Variants in NLGN1 observed in about 807,000 individuals in gnomAD.
NLGN1 encodes neuroligin 1, also known as neuroligin-1.
In NLGN1, 12 loss-of-function variants were observed where a neutral mutation model predicts 65.5. The ratio of observed to expected loss-of-function variants is 0.18; its 90% CI spans 0.12 to 0.30. The LOEUF is 0.30. NLGN1 is among the 10% of genes least tolerant of loss of function. The probability of loss-of-function intolerance (pLI) is 1.00; values close to 1 mark genes in which losing one functional copy is unlikely to be tolerated. For synonymous variants in NLGN1, 350 were observed against 359.5 expected (o/e 0.97, Z 0.30); for missense variants, 750 against 1,007.1 (o/e 0.74, Z 3.46).
intron 1 of NLGN1, among the ~76,000 whole-genome samples, chr3:173,432,728 A>G (rs1283694574): frequency 2.6e-5 from 4 of 152,044 alleles, no homozygotes; most frequent in Admixed American, 6.6e-5. Context: ...GTAATCAATT[A>G]CAGCTTATCA....
chr3:173,837,772 G>A (rs1046448689), intron 4 of NLGN1, among the ~76,000 whole-genome samples: 1 of 152,154 alleles, frequency 6.6e-6, no homozygotes, highest in African/African-American at 2.4e-5. Context: ...GGCAAAGCAT[G>A]AGAATATAAA....
chr3:173,585,484 C>T (rs1465549480), intron 2 of NLGN1, among the ~76,000 whole-genome samples: 1 of 152,024 alleles, frequency 6.6e-6, no homozygotes, highest in East Asian at 1.9e-4. Flanking sequence ...TCCTCCCCCA[C>T]CCCTCTCTTC....
At chr3:174,151,455 G>A (rs1724333089) in intron 4 of NLGN1, among the ~76,000 whole-genome samples, 1 of 152,032 alleles carries the variant, frequency 6.6e-6, no homozygotes, top group Non-Finnish European at 1.5e-5. Flanking sequence ...AATTTCTTCT[G>A]ACATCTTTGC....
At chr3:174,030,321 T>G (rs752438207) in intron 4 of NLGN1, among the ~76,000 whole-genome samples, 2 of 152,076 alleles carry the variant, frequency 1.3e-5, no homozygotes, top group Admixed American at 6.6e-5. Context: ...AGATGGGGTT[T>G]CACCATGTTG....
At chr3:173,830,923 A>G (rs1722422716) in intron 4 of NLGN1, among the ~76,000 whole-genome samples, 1 of 152,218 alleles carries the variant, frequency 6.6e-6, no homozygotes, top group Non-Finnish European at 1.5e-5. Flanking sequence ...CAGGATTTTC[A>G]AGGAGACTAA....
chr3:173,429,431 A>G (rs1263661659), intron 1 of NLGN1, among the ~76,000 whole-genome samples: 3 of 152,158 alleles, frequency 2.0e-5, no homozygotes, highest in Non-Finnish European at 4.4e-5. Flanking sequence ...GTTTCCTCAA[A>G]ACTACTGTTT....
chr3:174,141,565 T>C (rs1429345531), intron 4 of NLGN1, among the ~76,000 whole-genome samples: 1 of 152,208 alleles, frequency 6.6e-6, no homozygotes, highest in African/African-American at 2.4e-5. Flanking sequence ...CATATGTACC[T>C]GAAAATGTCT....
At chr3:173,416,884 ATCT>A (rs1713907729) in intron 1 of NLGN1, among the ~76,000 whole-genome samples, 1 of 152,142 alleles carries the variant, frequency 6.6e-6, no homozygotes, top group African/African-American at 2.4e-5. Context: ...TTATTCTGAG[ATCT>A]TCTACAAATA....
intron 4 of NLGN1, among the ~76,000 whole-genome samples, chr3:174,269,337 T>TC (rs1235731214): frequency 2.0e-5 from 3 of 151,910 alleles, no homozygotes; most frequent in African/African-American, 7.2e-5. Flanking sequence ...AATTCCCCCT[T>TC]CCCCTTTCTC....
intron 4 of NLGN1, among the ~76,000 whole-genome samples, chr3:173,817,372 G>T (rs1719240579): frequency 6.6e-6 from 1 of 152,188 alleles, no homozygotes; most frequent in Non-Finnish European, 1.5e-5. Context: ...GGTAGGCCTA[G>T]ACCTTGATCA....
intron 4 of NLGN1, among the ~76,000 whole-genome samples, chr3:173,956,195 A>T (rs1711993144): frequency 6.6e-6 from 1 of 152,092 alleles, no homozygotes; most frequent in Non-Finnish European, 1.5e-5. Flanking sequence ...TCAAGCAGAG[A>T]GATGCAAAGG....
chr3:173,838,048 A>G (rs1724001844), intron 4 of NLGN1, among the ~76,000 whole-genome samples: 1 of 152,182 alleles, frequency 6.6e-6, no homozygotes, highest in Admixed American at 6.5e-5. Context: ...ACAGTGTTTC[A>G]CAGGTAAGAG....
At chr3:173,789,366 C>A (rs1484827495) in intron 3 of NLGN1, among the ~76,000 whole-genome samples, 1 of 152,142 alleles carries the variant, frequency 6.6e-6, no homozygotes, top group Non-Finnish European at 1.5e-5. Flanking sequence ...CTTTAGTAGT[C>A]CCCACTACTT....
At chr3:173,903,406 A>G (rs532789404) in intron 4 of NLGN1, among the ~76,000 whole-genome samples, 1 of 152,224 alleles carries the variant, frequency 6.6e-6, no homozygotes, top group African/African-American at 2.4e-5. Flanking sequence ...TTAGTCATAT[A>G]TGTGTTATGT....
rs1006971888 is a variant in NLGN1 at position 173,560,837 on chromosome 3, C to T, written c.-320-43442C>T. On this transcript the variant is annotated intron_variant, in intron 2 of 6. Coordinates refer to ENST00000457714, the Ensembl canonical transcript of NLGN1. ...ATAGTTCAGTACTAGAGAAGTTCTT[C>T]GGAATTTGCAAGGTATCAACATATC... Among the ~76,000 whole-genome samples the T allele has an allele frequency of 9.2e-5, 14 of 152,128 alleles. 1 individual carries two copies. Among genetic ancestry groups the T allele is most frequent in the South Asian group, 4.1e-4 (2 of 4,834 alleles).
At chr3:173,643,297 A>T (rs1451187779) in intron 3 of NLGN1, among the ~76,000 whole-genome samples, 2 of 152,218 alleles carry the variant, frequency 1.3e-5, no homozygotes, top group East Asian at 3.8e-4. Flanking sequence ...AAATGTGATG[A>T]AAACTATACA....
At chr3:173,602,994 T>G (rs998956146) in intron 2 of NLGN1, among the ~76,000 whole-genome samples, 4 of 152,096 alleles carry the variant, frequency 2.6e-5, no homozygotes, top group African/African-American at 9.6e-5. Flanking sequence ...TTTATCTCCT[T>G]ATAGCCTTCT....
At chr3:173,419,986 ATAAAATAAAATAAAG>A (rs924701742) in intron 1 of NLGN1, among the ~76,000 whole-genome samples, 33 of 142,398 alleles carry the variant, frequency 2.3e-4, no homozygotes, top group Middle Eastern at 3.9e-3. Flanking sequence ...ATAAAATAAA[ATAAAATAAAATAAAG>A]TAAAATAAAA....
At chr3:174,124,588 T>C (rs1205559576) in intron 4 of NLGN1, among the ~76,000 whole-genome samples, 1 of 80,604 alleles carries the variant, frequency 1.2e-5, no homozygotes, top group Non-Finnish European at 2.2e-5. Flanking sequence ...TATATACGTA[T>C]ATATACGTAT....
Sources: gnomAD v4.1 joint callset for allele counts (sites outside exome capture counted in the v4.1 genomes callset) on GRCh38, gnomAD v4.1.1 for gene constraint, MANE v1.5 for transcripts, NCBI Gene and HGNC (gene_info 2026-07-23, HGNC 2026-07-21) for gene names.